The following ADAM10 variants were observed in gnomAD, a reference collection of about 807,000 sequenced individuals.
ADAM10 encodes disintegrin and metalloproteinase domain-containing protein 10.
ADAM10 carries 17 observed loss-of-function variants against 90.1 expected under a neutral mutation model. That is an observed-to-expected ratio of 0.19 (90% CI 0.13 to 0.28). The LOEUF (loss-of-function observed/expected upper bound fraction) is 0.28, where lower values mean the gene tolerates loss of function less well. Among genes scored for constraint, ADAM10 ranks in the 10% least tolerant of loss-of-function variants. The pLI is 1.00. For synonymous variants in ADAM10, 310 were observed against 298.6 expected, an observed-to-expected ratio of 1.04 and a Z score of -0.40; for missense variants, 610 against 914.3, an observed-to-expected ratio of 0.67 and a Z score of 4.29.
intron 2 of ADAM10, chr15:58,691,990 A>G (rs1374395836): frequency 1.6e-5 from 7 of 450,728 alleles, no homozygotes; most frequent in East Asian, 1.4e-4. Context: ...TTTCTTAACA[A>G]TGTTTTTGCA....
chr15:58,747,208 G>A (rs1354068378), intron 1 of ADAM10: 2 of 152,098 alleles, frequency 1.3e-5, no homozygotes, highest in African/African-American at 4.8e-5. Context: ...TACAACATAG[G>A]ATGGGGCTGT....
intron 2 of ADAM10, among the ~76,000 whole-genome samples, chr15:58,688,764 A>ATT (rs1897680992): frequency 9.4e-5 from 12 of 127,160 alleles, no homozygotes; most frequent in African/African-American, 4.4e-4. Context: ...TGAAAAAAAA[A>ATT]ATTATATATA....
In ADAM10 at chr15:58,679,250, T is replaced by C. The variant is rs1897364698; in HGVS notation, c.358A>G (p.Ile120Val). 2 of 1,613,924 alleles carry C rather than the reference T, an allele frequency of 1.2e-6. No homozygotes were observed. Among genetic ancestry groups the C allele is most frequent in the Non-Finnish European group, 1.7e-6 (2 of 1,180,000 alleles). ...ATGAATCCTTCAAATCTTCCATCAA[T>C]AACAGACCCATGGCTAAAACTTCCT... ...EEGSFSHGSV[I>V]DGRFEGFIQT... The change falls in exon 4 of 16, where the codon ATT (isoleucine) becomes GTT (valine). Residue 120 changes from isoleucine to valine, a missense_variant. Physicochemically the swap from Ile to Val is conservative, Grantham distance 29. Transcript: ENST00000260408.
At chr15:58,619,683 T>A (rs1361236719) in intron 11 of ADAM10, among the ~76,000 whole-genome samples, 2 of 151,798 alleles carry the variant, frequency 1.3e-5, no homozygotes, top group African/African-American at 4.8e-5. Flanking sequence ...GGCGGGAGGA[T>A]CAGGAGGTCA....
chr15:58,659,667 T>C (rs1896921541), intron 5 of ADAM10, among the ~76,000 whole-genome samples: 1 of 152,240 alleles, frequency 6.6e-6, no homozygotes, highest in Non-Finnish European at 1.5e-5. Context: ...AGCTTAGTTT[T>C]CTTGTAATGT....
At chr15:58,737,305 T>C (rs149285850) in intron 1 of ADAM10, among the ~76,000 whole-genome samples, 178 of 152,310 alleles carry the variant, frequency 1.2e-3, no homozygotes, top group South Asian at 1.9e-3. Flanking sequence ...ATGCGTGTTC[T>C]TTCTGTAAGC....
chr15:58,687,356 T>A (rs1897632233), intron 2 of ADAM10, among the ~76,000 whole-genome samples: 1 of 152,228 alleles, frequency 6.6e-6, no homozygotes, highest in Non-Finnish European at 1.5e-5. Context: ...AAATACAGAA[T>A]TTCATATATT....
chr15:58,623,199 T>A (rs1432579108), intron 10 of ADAM10, among the ~76,000 whole-genome samples: 2 of 152,220 alleles, frequency 1.3e-5, no homozygotes, highest in Non-Finnish European at 2.9e-5. Flanking sequence ...TATCTTCCTT[T>A]ATTTATATGT....
rs372681570 is a variant in ADAM10 at position 58,632,711 on chromosome 15, G to A, written c.1176+485C>T. Among the ~76,000 whole-genome samples the A allele has an allele frequency of 3.9e-5, 6 of 151,930 alleles. No individual in the cohort carries two copies. In the South Asian group the frequency reaches 6.2e-4, roughly 16 times the overall value. ...TTTTAAAATATCAATCTCATTCCAC[G>A]GTAGAGAAAATACTTTAAATTATCA... is the stretch of plus-strand genomic sequence containing the variant. On this transcript the variant is annotated intron_variant, in intron 9 of 15. Coordinates refer to ENST00000260408, the MANE Select transcript of ADAM10 (RefSeq NM_001110.4).
Position 58,665,090 on chromosome 15 carries a change from T to C in ADAM10, c.585+7A>G. On this transcript the variant is annotated splice_region_variant and intron_variant, in intron 5 of 15. Coordinates refer to ENST00000260408, the MANE Select transcript of ADAM10 (RefSeq NM_001110.4). ...TCCTAAATGCAAGCTAGTGTTAAAA[T>C]CCTTACCTGTGTTACTTCCTCTACA... 6.3e-7 allele frequency: 1 copy of C among 1,589,912 alleles called. No individual in the cohort carries two copies. The highest frequency in any genetic ancestry group is 8.6e-7 in the Non-Finnish European group (1 of 1,158,230).
intron 5 of ADAM10, among the ~76,000 whole-genome samples, chr15:58,655,728 T>TC (rs1896809319): frequency 9.0e-6 from 1 of 110,736 alleles, no homozygotes; most frequent in African/African-American, 3.5e-5. Flanking sequence ...TATATATATA[T>TC]ATATATATAT....
chr15:58,686,392 G>C (rs1286446023), intron 2 of ADAM10: 14 of 1,011,386 alleles, frequency 1.4e-5, no homozygotes, highest in Non-Finnish European at 1.8e-5. Context: ...CTGGGCCCTC[G>C]GAGCCCAGCG....
At chr15:58,688,312 G>C (rs1212364185) in intron 2 of ADAM10, among the ~76,000 whole-genome samples, 2 of 151,980 alleles carry the variant, frequency 1.3e-5, no homozygotes, top group African/African-American at 4.8e-5. Context: ...AAGATTGCTT[G>C]AGCCCAGGAG....
At chr15:58,673,593 AC>A (rs1897247440) in intron 4 of ADAM10, among the ~76,000 whole-genome samples, 1 of 151,968 alleles carries the variant, frequency 6.6e-6, no homozygotes, top group Non-Finnish European at 1.5e-5. Flanking sequence ...TCAGAAAAGA[AC>A]TTGATCTAAA....
chr15:58,610,147 C>T (rs1002643970), intron 14 of ADAM10, 150 bp downstream of exon 14: 2 of 734,800 alleles, frequency 2.7e-6, no homozygotes, highest in African/African-American at 1.8e-5. Flanking sequence ...GAAATAATAA[C>T]CAGAAATATT....
At chr15:58,655,704 A>AC (rs1490444327) in intron 5 of ADAM10, among the ~76,000 whole-genome samples, 5 of 58,484 alleles carry the variant, frequency 8.5e-5, no homozygotes, top group African/African-American at 6.7e-4. Context: ...TAGTATATAT[A>AC]TATATAGTAT....
At chr15:58,734,562 C>T (rs368579813) in intron 1 of ADAM10, among the ~76,000 whole-genome samples, 4 of 151,992 alleles carry the variant, frequency 2.6e-5, no homozygotes, top group South Asian at 2.1e-4. Flanking sequence ...CAGCCGGGCA[C>T]GGTGGCATGC....
chr15:58,692,721 A>C (rs756363875), intron 2 of ADAM10: 2 of 571,282 alleles, frequency 3.5e-6, no homozygotes, highest in Non-Finnish European at 7.0e-6. Context: ...AACTCCCAGC[A>C]GAAGATACCC....
intron 2 of ADAM10, among the ~76,000 whole-genome samples, chr15:58,700,386 T>C (rs1366539588): frequency 2.0e-5 from 3 of 152,010 alleles, no homozygotes; most frequent in African/African-American, 7.2e-5. Flanking sequence ...TCATATCAAG[T>C]CAGACTACAA....
Sources: allele counts gnomAD v4.1 joint callset (sites outside exome capture counted in the v4.1 genomes callset), GRCh38; gene constraint gnomAD v4.1.1; transcripts MANE v1.5; gene names NCBI Gene and HGNC (gene_info 2026-07-23, HGNC 2026-07-21).